Variants in CBX8 observed in about 807,000 individuals in gnomAD.
CBX8 encodes chromobox 8, also known as chromobox protein homolog 8.
CBX8 carries 8 observed loss-of-function variants against 39.7 expected under a neutral mutation model. The ratio of observed to expected loss-of-function variants is 0.20; its 90% CI spans 0.12 to 0.36. The LOEUF is 0.36. CBX8 is among the 10% of genes least tolerant of loss of function. The pLI, the probability that CBX8 is intolerant of heterozygous loss-of-function variation, is 1.00. For synonymous variants in CBX8, 268 were observed against 219.8 expected (o/e 1.22, Z -1.94); for missense variants, 505 against 529.6 (o/e 0.95, Z 0.46).
chr17:79,796,135 A>G lies in CBX8; in HGVS notation c.180-12T>C, dbSNP rs951772819. On this transcript the variant is annotated splice_polypyrimidine_tract_variant and intron_variant, in intron 3 of 4. Transcript: ENST00000269385. ...CCATCTCTCTTTCCCTGGAGAAAGAAGAAAAGGAGAAAGGGTGCGTGAGTA... is the reference window on the plus strand; with the variant it reads ...CCATCTCTCTTTCCCTGGAGAAAGAGGAAAAGGAGAAAGGGTGCGTGAGTA... The G allele has an allele frequency of 1.1e-5, 17 of 1,613,348 alleles. No individual in the cohort carries two copies. Among genetic ancestry groups the G allele is most frequent in the Non-Finnish European group, 1.4e-5 (16 of 1,179,974 alleles).
In CBX8 at chr17:79,795,460, G is replaced by A. The variant is rs749778014; in HGVS notation, c.345C>T (p.Ala115=). Reference sequence around the variant, plus strand: ...GGCCCTCCCGGGCCCGGGAAGTGGAGGCCAGGTCCTGGGGCGAGCGGCCAG... The same window carrying A: ...GGCCCTCCCGGGCCCGGGAAGTGGAAGCCAGGTCCTGGGGCGAGCGGCCAG... The part of the protein sequence containing the change: ...PYPGRSPQDL[A]STSRAREGLR... Residue 115 remains alanine (A), a synonymous_variant, in exon 5 of 5, where the codon GCC becomes GCT. Transcript: ENST00000269385. The surrounding 1 kb of genome is among the most constrained non-coding windows in gnomAD (Gnocchi z 5.8). The A allele has an allele frequency of 1.2e-6, 2 of 1,606,356 alleles. No homozygotes were observed. The highest frequency in any genetic ancestry group is 1.7e-6 in the Non-Finnish European group (2 of 1,176,358).
Position 79,796,941 on chromosome 17 carries a change from G to T in CBX8, c.58C>A (p.Arg20Ser). The change falls in exon 1 of 5, where the codon CGC (arginine) becomes AGC (serine). Residue 20 changes from arginine (R) to serine (S), a missense_variant. Around this residue, in one of 3 missense-constraint regions of CBX8, gnomAD observed 32 missense variants for 101.4 expected, o/e 0.32. Transcript: ENST00000269385. ...CCGGGGGCACCTACTTTCCGTATGCGCCGCTTCAGGAGGGCTTCGGCCGCG... is the reference window on the plus strand; with the variant it reads ...CCGGGGGCACCTACTTTCCGTATGCTCCGCTTCAGGAGGGCTTCGGCCGCG... ...VFAAEALLKR[R>S]IRKGRMEYLV... 6.2e-7 allele frequency: 1 copy of T among 1,609,356 alleles called. No individual in the cohort carries two copies.
chr17:79,793,912 A>G lies in CBX8; in HGVS notation c.*723T>C, dbSNP rs1239922366. 5 of 152,064 alleles carry G rather than the reference A, an allele frequency of 3.3e-5. No homozygotes were observed. Among genetic ancestry groups the G allele is most frequent in the Admixed American group, 6.5e-5 (1 of 15,268 alleles). The allele number at this position is 152,064 out of a possible 1,614,324, so 9.4% of individuals were successfully genotyped here. A position where few individuals can be genotyped will look rare whatever the true frequency, so the allele number is the denominator to read the frequency against. On this transcript the variant is annotated 3_prime_UTR_variant, in exon 5 of 5. Coordinates refer to ENST00000269385, the MANE Select transcript of CBX8 (RefSeq NM_020649.3). ...GTGTACCACACACACACCCCTCCCT[A>G]AAGTGCATTTCCTGGTGTGGTCCTG... is the stretch of plus-strand genomic sequence containing the variant.
rs1907915304 is a variant in CBX8, at chr17:79,792,572, A to G, written c.*2063T>C. ...AGACGCGTATCCCCCAGTCCCGTCC[A>G]CTAGGTAACAGACATGCCCCTTCAG... On this transcript the variant is annotated 3_prime_UTR_variant, in exon 5 of 5. Coordinates refer to ENST00000269385, the MANE Select transcript of CBX8 (RefSeq NM_020649.3). The G allele has an allele frequency of 6.6e-6, 1 of 152,278 alleles. No homozygotes were observed. Among genetic ancestry groups the G allele is most frequent in the South Asian group, 2.1e-4 (1 of 4,842 alleles). 9.4% of individuals were successfully genotyped at this position (152,278 alleles called of 1,614,324 possible). A position where few individuals can be genotyped will look rare whatever the true frequency, so the allele number is the denominator to read the frequency against.
Position 79,794,665 on chromosome 17 carries a change from C to T in CBX8, c.1140G>A (p.Thr380=), listed in dbSNP as rs139495141. ...TTTTCTCTTTAAAAAAGCCTTGGTC[C>T]GTGTTACTTTCCTTAATGGTGACGG... ...FLTVTIKESN[T]DQGFFKEKR The change falls in exon 5 of 5, where the codon ACG becomes ACA. Residue 380 remains threonine, a synonymous_variant. Transcript: ENST00000269385. The T allele has an allele frequency of 1.9e-5, 30 of 1,584,936 alleles. No homozygotes were observed. Among genetic ancestry groups the T allele is most frequent in the Non-Finnish European group, 2.5e-5 (29 of 1,169,626 alleles).
Position 79,795,255 on chromosome 17 carries a change from T to C in CBX8, c.550A>G (p.Arg184Gly). 1 of 1,612,088 alleles carries C rather than the reference T, an allele frequency of 6.2e-7. No individual in the cohort carries two copies. The highest frequency in any genetic ancestry group is 1.3e-5 in the African/African-American group (1 of 75,056). The change falls in exon 5 of 5, where the codon AGA (arginine) becomes GGA (glycine). Residue 184 changes from arginine to glycine, a missense_variant. By Grantham distance (125) the Arg-to-Gly change is moderately radical. Coordinates refer to ENST00000269385, the MANE Select transcript of CBX8 (RefSeq NM_020649.3). The surrounding 1 kb of genome is among the most constrained non-coding windows in gnomAD (Gnocchi z 5.8). Reference sequence around the variant, plus strand: ...GGTGAGCTGGGCTTGTCATCCACTCTGCTGGTACCCCGCTCTCGTTCCCTC... The same window carrying C: ...GGTGAGCTGGGCTTGTCATCCACTCCGCTGGTACCCCGCTCTCGTTCCCTC... ...RERERERGTSRVDDKPSSPGD... is the reference protein window; with the variant it reads ...RERERERGTSGVDDKPSSPGD...
chr17:79,796,657 C>T, intron 1 of CBX8, 117 bp from the exon 2 acceptor site: 2 of 1,190,710 alleles, frequency 1.7e-6, no homozygotes, highest in Non-Finnish European at 1.2e-6. Context: ...CCGCAAAAGG[C>T]ACGCGCCCGC....
chr17:79,794,913 C>A lies in CBX8; in HGVS notation c.892G>T (p.Gly298Cys). The change falls in exon 5 of 5, where the codon GGT becomes TGT. Residue 298 changes from glycine (G) to cysteine (C), a missense_variant. Physicochemically the swap from Gly to Cys is radical, Grantham distance 159 (BLOSUM62 -3). Transcript: ENST00000269385. ...CGGGTGCCATTGGGATCTAGGGCAC[C>A]CTGGCCTTTGGCCTCCAGGAAGGCA... ...RAAFLEAKGQ[G>C]ALDPNGTRVR... is the part of the protein sequence containing the mutation. The A allele has an allele frequency of 6.2e-7, 1 of 1,609,522 alleles. No individual in the cohort carries two copies. Among genetic ancestry groups the A allele is most frequent in the Non-Finnish European group, 8.5e-7 (1 of 1,177,744 alleles).
In CBX8 at chr17:79,792,855, G is replaced by C. The variant is rs1326862505; in HGVS notation, c.*1780C>G. On this transcript the variant is annotated 3_prime_UTR_variant, in exon 5 of 5. Transcript: ENST00000269385. The stretch of plus-strand genomic sequence containing the variant: ...GAGAAGCCGGGAGTGCGGAGGACGA[G>C]GCTGGGGTTCCCTCCCAGCACCCCC... 6.6e-6 allele frequency: 1 copy of C among 152,190 alleles called. No individual in the cohort carries two copies. The highest frequency in any genetic ancestry group is 1.9e-4 in the East Asian group (1 of 5,176). 9.4% of individuals were successfully genotyped at this position (152,190 alleles called of 1,614,324 possible).
Position 79,794,884 on chromosome 17 carries a change from G to T in CBX8, c.921C>A (p.Val307=). The change falls in exon 5 of 5, where the codon GTC becomes GTA. Residue 307 remains valine, a synonymous_variant. Coordinates refer to ENST00000269385, the MANE Select transcript of CBX8 (RefSeq NM_020649.3). ...AGCTGGGGGGGCCTGAGCCATGTCGGACCCGGGTGCCATTGGGATCTAGGG... is the reference window on the plus strand; with the variant it reads ...AGCTGGGGGGGCCTGAGCCATGTCGTACCCGGGTGCCATTGGGATCTAGGG... The part of the protein sequence containing the change: ...QGALDPNGTR[V]RHGSGPPSSG... 6.2e-7 allele frequency: 1 copy of T among 1,611,302 alleles called. No individual in the cohort carries two copies. Among genetic ancestry groups the T allele is most frequent in the Non-Finnish European group, 8.5e-7 (1 of 1,178,680 alleles).
intron 2 of CBX8, 38 bp from the exon 3 acceptor site, chr17:79,796,353 G>C: frequency 1.9e-6 from 3 of 1,609,776 alleles, no homozygotes; most frequent in Non-Finnish European, 1.7e-6. Flanking sequence ...TCAGTCCCAG[G>C]AGCAGGGTGA....
At position 79,795,097 on chromosome 17, in the gene CBX8, G is replaced by C; in HGVS notation, c.708C>G (p.Ser236=). The stretch of plus-strand genomic sequence containing the variant: ...GGCCGGCTGGAAACTTTCCTGCCCC[G>C]GAAGGGGTGTCGTCCAGCTTCCTGC... ...LKGRKLDDTP[S]GAGKFPAGHS... is the part of the protein sequence containing the mutation. Residue 236 remains serine (S), a synonymous_variant, in exon 5 of 5, where the codon TCC becomes TCG. Transcript: ENST00000269385. This position sits in a 1 kb window ranked among gnomAD's most constrained non-coding sequence, Gnocchi z 5.8. 1 of 1,611,922 alleles carries C rather than the reference G, an allele frequency of 6.2e-7. No homozygotes were observed.
chr17:79,797,057 C>A lies in CBX8; in HGVS notation c.-59G>T, dbSNP rs909115445. On this transcript the variant is annotated 5_prime_UTR_variant, in exon 1 of 5. Coordinates refer to ENST00000269385, the MANE Select transcript of CBX8 (RefSeq NM_020649.3). ...AGGAGCAGAAAAGCAGCAGCCAGCGCACGACAGACCATAATACTCTCCCGC... is the reference window on the plus strand; with the variant it reads ...AGGAGCAGAAAAGCAGCAGCCAGCGAACGACAGACCATAATACTCTCCCGC... 8.5e-6 allele frequency: 13 copies of A among 1,523,636 alleles called. No individual in the cohort carries two copies. The highest frequency in any genetic ancestry group is 1.4e-5 in the African/African-American group (1 of 71,846). The allele number at this position is 1,523,636 out of a possible 1,614,324, so 94.4% of individuals were successfully genotyped here. A position where few individuals can be genotyped will look rare whatever the true frequency, so the allele number is the denominator to read the frequency against.
Position 79,795,363 on chromosome 17 carries a change from G to A in CBX8, c.442C>T (p.Arg148Trp), listed in dbSNP as rs767309502. 1.8e-5 allele frequency: 29 copies of A among 1,595,084 alleles called. No individual in the cohort carries two copies. The highest frequency in any genetic ancestry group is 3.5e-5 in the Admixed American group (2 of 56,350). Residue 148 changes from arginine to tryptophan, a missense_variant, in exon 5 of 5, where the codon CGG becomes TGG. By Grantham distance (101) the Arg-to-Trp change is moderately radical (BLOSUM62 -3). Around this residue, in one of 3 missense-constraint regions of CBX8, gnomAD observed 456 missense variants for 389.2 expected, o/e 1.17. Coordinates refer to ENST00000269385, the MANE Select transcript of CBX8 (RefSeq NM_020649.3). This position sits in a 1 kb window ranked among gnomAD's most constrained non-coding sequence, Gnocchi z 5.8. ...CTATCCCGGTCTCGGTCCCGGTCCC[G>A]AGGGGCCTCTGCGCGGCAGGTGCTG... The part of the protein sequence containing the change: ...TSSTCRAEAP[R>W]DRDRDRDRDR...
chr17:79,792,856 G>T lies in CBX8; in HGVS notation c.*1779C>A, dbSNP rs1273965292. 1 of 152,212 alleles carries T rather than the reference G, an allele frequency of 6.6e-6. No homozygotes were observed. Among genetic ancestry groups the T allele is most frequent in the East Asian group, 1.9e-4 (1 of 5,190 alleles). The allele number at this position is 152,212 out of a possible 1,614,324, so 9.4% of individuals were successfully genotyped here. A position where few individuals can be genotyped will look rare whatever the true frequency, so the allele number is the denominator to read the frequency against. On this transcript the variant is annotated 3_prime_UTR_variant, in exon 5 of 5. Transcript: ENST00000269385. The stretch of plus-strand genomic sequence containing the variant: ...AGAAGCCGGGAGTGCGGAGGACGAG[G>T]CTGGGGTTCCCTCCCAGCACCCCCC...
rs1018912218 is a variant in CBX8 at position 79,795,361 on chromosome 17, C to G, written c.444G>C (p.Arg148=). The change falls in exon 5 of 5, where the codon CGG becomes CGC. Residue 148 remains arginine (R), a synonymous_variant. Coordinates refer to ENST00000269385, the MANE Select transcript of CBX8 (RefSeq NM_020649.3). The surrounding 1 kb of genome is among the most constrained non-coding windows in gnomAD (Gnocchi z 5.8). ...CCCTATCCCGGTCTCGGTCCCGGTC[C>G]CGAGGGGCCTCTGCGCGGCAGGTGC... The part of the protein sequence containing the change: ...TSSTCRAEAP[R]DRDRDRDRDR... 1.6e-5 allele frequency: 25 copies of G among 1,594,032 alleles called. No individual in the cohort carries two copies. In the African/African-American group the frequency reaches 2.7e-4, roughly 17 times the overall value.
chr17:79,792,695 G>A lies in CBX8; in HGVS notation c.*1940C>T, dbSNP rs913711279. ...TCTAAAATACCAGTTTTACAAATGT[G>A]AGTAGATAAAAATCCCCATTCCAGG... On this transcript the variant is annotated 3_prime_UTR_variant, in exon 5 of 5. Coordinates refer to ENST00000269385, the MANE Select transcript of CBX8 (RefSeq NM_020649.3). The A allele has an allele frequency of 1.3e-5, 2 of 152,242 alleles. No homozygotes were observed. Among genetic ancestry groups the A allele is most frequent in the Admixed American group, 6.5e-5 (1 of 15,288 alleles). The allele number at this position is 152,242 out of a possible 1,614,324, so 9.4% of individuals were successfully genotyped here.
intron 4 of CBX8, 47 bp downstream of exon 4, chr17:79,796,010 A>T (rs1908074245): frequency 1.3e-6 from 2 of 1,575,676 alleles, no homozygotes; most frequent in Admixed American, 1.7e-5. Context: ...CCTTCCCACA[A>T]ATCACTCCAT....
Position 79,795,514 on chromosome 17 carries a change from G to A in CBX8, c.291C>T (p.Asp97=), listed in dbSNP as rs1908052203. The change falls in exon 5 of 5, where the codon GAC becomes GAT. Residue 97 remains aspartate (D), a synonymous_variant. Transcript: ENST00000269385. The surrounding 1 kb of genome is among the most constrained non-coding windows in gnomAD (Gnocchi z 5.8). The part of the protein sequence containing the change: ...AKAKTYEFRS[D]SARGIRIPYP... ...AGGGGATCCGGATGCCCCTGGCTGA[G>A]TCACTTCGAAACTCGTAAGTTTTGG... 3 of 1,542,402 alleles carry A rather than the reference G, an allele frequency of 1.9e-6. No individual in the cohort carries two copies.
Sources: allele counts gnomAD v4.1 joint callset, GRCh38; gene constraint gnomAD v4.1.1; regional missense constraint gnomAD v4.1.1; non-coding constraint Gnocchi (gnomAD v3.1); transcripts MANE v1.5; gene names NCBI Gene and HGNC (gene_info 2026-07-23, HGNC 2026-07-21).